The following CRYBG1 variants were observed in gnomAD, a reference collection of about 807,000 sequenced individuals.
CRYBG1 encodes the protein beta/gamma crystallin domain-containing protein 1.
In CRYBG1, 139 loss-of-function variants were observed where a neutral mutation model predicts 189.2. The ratio of observed to expected loss-of-function variants is 0.73; its 90% CI spans 0.64 to 0.85. CRYBG1 has a LOEUF of 0.85. CRYBG1 is among the 40% of genes least tolerant of loss of function. The pLI is 0.00. For synonymous variants in CRYBG1, 1,023 were observed against 1,017.1 expected (o/e 1.01, Z -0.11); for missense variants, 2,611 against 2,675.8 (o/e 0.98, Z 0.53).
intron 2 of CRYBG1, among the ~76,000 whole-genome samples, chr6:106,469,777 A>G (rs1175627366): frequency 1.3e-5 from 2 of 152,226 alleles, no homozygotes; most frequent in East Asian, 3.8e-4. Flanking sequence ...AAAGAAAAAA[A>G]AAGAACTTTC....
Position 106,520,476 on chromosome 6 carries a change from A to G in CRYBG1, c.3268A>G (p.Ile1090Val). The change falls in exon 4 of 22, where the codon ATT becomes GTT. Residue 1090 changes from isoleucine (I) to valine (V), a missense_variant. Coordinates refer to ENST00000633556, the MANE Select transcript of CRYBG1 (RefSeq NM_001371242.2). ...GQDSPASLLNISAGSDDSVFD... is the reference protein window; with the variant it reads ...GQDSPASLLNVSAGSDDSVFD... ...GGATAGCCCTGCCAGCCTTTTGAAC[A>G]TTTCTGCTGGTAGTGATGATAGTGT... 2 of 1,614,174 alleles carry G rather than the reference A, an allele frequency of 1.2e-6. No homozygotes were observed. The highest frequency in any genetic ancestry group is 2.2e-5 in the South Asian group (2 of 91,080).
At chr6:106,422,340 A>ATTTTTTTTTT (rs747540246) in intron 1 of CRYBG1, among the ~76,000 whole-genome samples, 1 of 68,286 alleles carries the variant, frequency 1.5e-5, no homozygotes, top group African/African-American at 4.6e-5. Context: ...TTATTTATTT[A>ATTTTTTTTTT]TTTATTTTTG....
At chr6:106,400,942 A>G (rs1266898833) in intron 1 of CRYBG1, among the ~76,000 whole-genome samples, 1 of 152,126 alleles carries the variant, frequency 6.6e-6, no homozygotes, top group Non-Finnish European at 1.5e-5. Flanking sequence ...AGAGCAATGA[A>G]AGTGCACGGG....
chr6:106,384,727 T>C (rs1396270741), intron 1 of CRYBG1, among the ~76,000 whole-genome samples: 1 of 152,092 alleles, frequency 6.6e-6, no homozygotes, highest in African/African-American at 2.4e-5. Flanking sequence ...TTTAAGTATG[T>C]TAAGTATGTT....
At position 106,571,967 on chromosome 6, in the gene CRYBG1, C is replaced by A. The variant is rs757914701; in HGVS notation, c.*3401C>A. ...CTCACAGGCACTCACCAAATAAGAA[C>A]GTCAACAATCACTAAACTGCATTTT... On this transcript the variant is annotated 3_prime_UTR_variant, in exon 22 of 22. Coordinates refer to ENST00000633556, the MANE Select transcript of CRYBG1 (RefSeq NM_001371242.2). 1.3e-6 allele frequency: 2 copies of A among 1,556,410 alleles called. No homozygotes were observed. The highest frequency in any genetic ancestry group is 1.8e-6 in the Non-Finnish European group (2 of 1,129,480).
chr6:106,553,447 T>C lies in CRYBG1; in HGVS notation c.5473-8T>C. ...TAATTTTATGTGTTTCTGTTTACTT[T>C]TTCAAAGATTCACTTGTTTTCAGAA... On this transcript the variant is annotated splice_polypyrimidine_tract_variant and splice_region_variant and intron_variant, in intron 15 of 21. Coordinates refer to ENST00000633556, the MANE Select transcript of CRYBG1 (RefSeq NM_001371242.2). 11 of 1,584,596 alleles carry C rather than the reference T, an allele frequency of 6.9e-6. No individual in the cohort carries two copies. Among genetic ancestry groups the C allele is most frequent in the Non-Finnish European group, 9.5e-6 (11 of 1,153,710 alleles).
At chr6:106,526,506 T>C (rs1481379746) in intron 6 of CRYBG1, among the ~76,000 whole-genome samples, 1 of 152,208 alleles carries the variant, frequency 6.6e-6, no homozygotes, top group African/African-American at 2.4e-5. Context: ...GGTTTTTCTT[T>C]AGTGTTTGGC....
intron 2 of CRYBG1, among the ~76,000 whole-genome samples, chr6:106,460,843 G>C (rs1201782871): frequency 6.6e-6 from 1 of 152,198 alleles, no homozygotes; most frequent in Non-Finnish European, 1.5e-5. Flanking sequence ...CTGGATTGCA[G>C]AGGCTAGGTC....
intron 2 of CRYBG1, among the ~76,000 whole-genome samples, chr6:106,455,284 C>T (rs563629342): frequency 7.9e-5 from 12 of 151,862 alleles, no homozygotes; most frequent in Admixed American, 3.9e-4. Flanking sequence ...GTGACAAACA[C>T]GAATTGGATA....
chr6:106,520,227 G>A lies in CRYBG1; in HGVS notation c.3019G>A (p.Glu1007Lys), dbSNP rs748385930. 3.7e-6 allele frequency: 6 copies of A among 1,614,070 alleles called. No homozygotes were observed. The East Asian group carries it at 1.3e-4, about 36-fold the overall frequency. The change falls in exon 4 of 22, where the codon GAG (glutamate) becomes AAG (lysine). Residue 1007 changes from glutamate (E) to lysine (K), a missense_variant. This residue lies in a region of CRYBG1 where 1,622 missense variants were observed against 1,735.0 expected (regional missense o/e 0.93). Transcript: ENST00000633556. ...VSVASCAPPQ[E>K]EVLGNEHSHC... ...CGTTGCAAGTTGTGCTCCCCCACAA[G>A]AGGAAGTACTGGGCAATGAACACTC...
At chr6:106,567,409 CAAGAG>C (rs1007712083) in intron 21 of CRYBG1, among the ~76,000 whole-genome samples, 3 of 152,206 alleles carry the variant, frequency 2.0e-5, no homozygotes, top group Admixed American at 6.5e-5. Flanking sequence ...CAGTGTCTCA[CAAGAG>C]AAGAGACGAT....
intron 1 of CRYBG1, among the ~76,000 whole-genome samples, chr6:106,362,522 C>T (rs943321041): frequency 1.8e-4 from 27 of 152,128 alleles, no homozygotes; most frequent in African/African-American, 6.3e-4. Flanking sequence ...CAGGGAGGAG[C>T]AGCGAGTTCC....
chr6:106,539,648 G>A, intron 9 of CRYBG1, 119 bp downstream of exon 9: 2 of 1,113,556 alleles, frequency 1.8e-6, no homozygotes, highest in Non-Finnish European at 2.5e-6. Flanking sequence ...GTAGTAGATT[G>A]GACCTATTGC....
chr6:106,455,329 A>T (rs1771863973), intron 2 of CRYBG1, among the ~76,000 whole-genome samples: 1 of 152,028 alleles, frequency 6.6e-6, no homozygotes, highest in South Asian at 2.1e-4. Flanking sequence ...AACATTGTAG[A>T]TTATTATGTG....
chr6:106,495,986 A>G (rs1772842018), intron 2 of CRYBG1, among the ~76,000 whole-genome samples: 1 of 152,176 alleles, frequency 6.6e-6, no homozygotes, highest in African/African-American at 2.4e-5. Context: ...TCTACTACAC[A>G]TTCTTTTAAA....
chr6:106,364,341 A>T (rs959956259), intron 1 of CRYBG1, among the ~76,000 whole-genome samples: 3 of 152,180 alleles, frequency 2.0e-5, no homozygotes, highest in Non-Finnish European at 2.9e-5. Flanking sequence ...AAATAAAAAA[A>T]AAAAGAAAGA....
intron 1 of CRYBG1, among the ~76,000 whole-genome samples, chr6:106,367,817 A>G (rs958129781): frequency 1.6e-5 from 2 of 121,596 alleles, no homozygotes; most frequent in African/African-American, 6.1e-5. Flanking sequence ...AAAAAAAAAA[A>G]TTAGCCAGGT....
intron 2 of CRYBG1, among the ~76,000 whole-genome samples, chr6:106,509,868 C>T (rs1381651820): frequency 6.6e-6 from 1 of 152,094 alleles, no homozygotes; most frequent in East Asian, 1.9e-4. Context: ...TTCCTTTCCT[C>T]ATCTGTGTGG....
intron 1 of CRYBG1, among the ~76,000 whole-genome samples, chr6:106,426,756 G>A (rs1261920724): frequency 2.0e-5 from 3 of 152,094 alleles, no homozygotes; most frequent in East Asian, 1.9e-4. Context: ...AGGCATGCTC[G>A]TTAATTCTAC....
Sources: gnomAD v4.1 joint callset for allele counts (sites outside exome capture counted in the v4.1 genomes callset) on GRCh38, gnomAD v4.1.1 for gene constraint, gnomAD v4.1.1 regional missense constraint, MANE v1.5 for transcripts, NCBI Gene and HGNC (gene_info 2026-07-23, HGNC 2026-07-21) for gene names.